SPOP: variants seen among roughly 807,000 people sequenced by gnomAD.
SPOP encodes the protein speckle-type POZ protein.
Under a neutral mutation model 45.6 loss-of-function variants are expected in SPOP, and 11 were observed. The observed-to-expected ratio is 0.24, with a 90% CI of 0.15 to 0.40. SPOP has a LOEUF of 0.40. SPOP is among the 10% of genes least tolerant of loss of function. The pLI is 1.00. For missense variants in SPOP, 152 were observed against 465.6 expected (o/e 0.33, Z 6.20); for synonymous variants, 166 against 166.3 (o/e 1.00, Z 0.01).
intron 8 of SPOP, 149 bp downstream of exon 8, chr17:49,607,101 T>C: frequency 1.2e-6 from 1 of 865,452 alleles, no homozygotes; most frequent in South Asian, 1.8e-5. Flanking sequence ...TTAATAATTG[T>C]GTTGGAATAA....
intron 1 of SPOP, among the ~76,000 whole-genome samples, chr17:49,650,165 A>G (rs944455181): frequency 6.6e-6 from 1 of 152,066 alleles, no homozygotes; most frequent in Non-Finnish European, 1.5e-5. Flanking sequence ...TGCTTGGATT[A>G]CAGGTGTGAG....
intron 1 of SPOP, among the ~76,000 whole-genome samples, chr17:49,653,017 T>C (rs1169008459): frequency 2.6e-5 from 4 of 152,164 alleles, no homozygotes; most frequent in African/African-American, 9.7e-5. Context: ...CAAGTCAATA[T>C]ATTCATAAGC....
intron 1 of SPOP, among the ~76,000 whole-genome samples, chr17:49,676,195 A>G (rs1304555109): frequency 6.6e-6 from 1 of 151,496 alleles, no homozygotes; most frequent in African/African-American, 2.5e-5. Context: ...GAAGAGCTCT[A>G]AAACGAGAAA....
At chr17:49,673,341 TA>T (rs770744998) in intron 1 of SPOP, among the ~76,000 whole-genome samples, 46 of 151,882 alleles carry the variant, frequency 3.0e-4, no homozygotes, top group Admixed American at 5.2e-4. Context: ...CCATCTCTAC[TA>T]AAAAATACAA....
chr17:49,600,442 C>T lies in SPOP; in HGVS notation c.1061G>A (p.Arg354His), dbSNP rs1438495852. The T allele has an allele frequency of 1.2e-6, 2 of 1,614,002 alleles. No individual in the cohort carries two copies. Among genetic ancestry groups the T allele is most frequent in the East Asian group, 2.2e-5 (1 of 44,884 alleles). Residue 354 changes from arginine to histidine, a missense_variant, in exon 10 of 10, where the codon CGC becomes CAC. Transcript: ENST00000504102. This position sits in a 1 kb window ranked among gnomAD's most constrained non-coding sequence, Gnocchi z 4.2. ...SHPHLVAEAYRSLASAQCPFL... is the reference protein window; with the variant it reads ...SHPHLVAEAYHSLASAQCPFL... ...AGGGCACTGTGCTGAAGCCAGAGAG[C>T]GGTATGCCTCAGCCACCAAGTGGGG...
chr17:49,652,653 T>C (rs923394907), intron 1 of SPOP, among the ~76,000 whole-genome samples: 7 of 152,158 alleles, frequency 4.6e-5, no homozygotes, highest in African/African-American at 1.7e-4. Flanking sequence ...TCACCAAAAC[T>C]ATACCCTGAC....
intron 1 of SPOP, among the ~76,000 whole-genome samples, chr17:49,653,981 T>G (rs548557903): frequency 6.6e-6 from 1 of 152,102 alleles, no homozygotes; most frequent in East Asian, 1.9e-4. Context: ...CAACTTGTAT[T>G]GCAAATCCTA....
At chr17:49,669,920 A>C (rs2073116260) in intron 1 of SPOP, among the ~76,000 whole-genome samples, 1 of 150,224 alleles carries the variant, frequency 6.7e-6, no homozygotes, top group Non-Finnish European at 1.5e-5. Flanking sequence ...GATCACACAT[A>C]CATTTTTCCT....
chr17:49,628,717 C>G (rs1156876039), intron 1 of SPOP, among the ~76,000 whole-genome samples: 1 of 152,202 alleles, frequency 6.6e-6, no homozygotes, highest in Admixed American at 6.5e-5. Flanking sequence ...CCAAAACACT[C>G]TGGTCCCAAG....
At chr17:49,663,310 G>A (rs2073013147) in intron 1 of SPOP, among the ~76,000 whole-genome samples, 1 of 152,202 alleles carries the variant, frequency 6.6e-6, no homozygotes, top group African/African-American at 2.4e-5. Context: ...ATGATCTGAG[G>A]TGCAGCAGTT....
chr17:49,640,572 T>A (rs777520112), intron 1 of SPOP, among the ~76,000 whole-genome samples: 4 of 152,172 alleles, frequency 2.6e-5, no homozygotes, highest in Non-Finnish European at 5.9e-5. Context: ...AATCCCCAAA[T>A]TATTTTGAGA....
In SPOP at chr17:49,629,917, G is replaced by A. The variant is rs574071552; in HGVS notation, c.-66-7041C>T. Among the ~76,000 whole-genome samples the A allele has an allele frequency of 2.4e-4, 37 of 152,168 alleles. 1 individual carries two copies. Among genetic ancestry groups the A allele is most frequent in the Non-Finnish European group, 2.5e-4 (17 of 68,028 alleles). ...TTGTGAAGATATTAGATTGAATCAT[G>A]AAACTGTTGTTTTATATGACAAAAA... is the stretch of plus-strand genomic sequence containing the variant. On this transcript the variant is annotated intron_variant, in intron 1 of 9. Transcript: ENST00000504102.
At chr17:49,608,396 A>G (rs1276094097) in intron 6 of SPOP, among the ~76,000 whole-genome samples, 1 of 152,170 alleles carries the variant, frequency 6.6e-6, no homozygotes, top group Non-Finnish European at 1.5e-5. Flanking sequence ...GATGAAGCGC[A>G]TGCTCACCTA....
chr17:49,671,860 G>T (rs2073140034), intron 1 of SPOP, among the ~76,000 whole-genome samples: 1 of 152,106 alleles, frequency 6.6e-6, no homozygotes, highest in Non-Finnish European at 1.5e-5. Context: ...ACAAAAATTG[G>T]CTGGGCAGGG....
chr17:49,666,396 T>A (rs2073058182), intron 1 of SPOP, among the ~76,000 whole-genome samples: 1 of 149,788 alleles, frequency 6.7e-6, no homozygotes, highest in African/African-American at 2.5e-5. Context: ...TAGAAGAAAA[T>A]ATAAGATGAA....
At chr17:49,616,602 C>G (rs923783600) in intron 5 of SPOP, among the ~76,000 whole-genome samples, 9 of 152,164 alleles carry the variant, frequency 5.9e-5, no homozygotes, top group African/African-American at 2.2e-4. Flanking sequence ...CTTAGATGAG[C>G]TGCAGACATC....
At chr17:49,634,986 T>C (rs1220635868) in intron 1 of SPOP, among the ~76,000 whole-genome samples, 1 of 152,210 alleles carries the variant, frequency 6.6e-6, no homozygotes, top group African/African-American at 2.4e-5. Flanking sequence ...TGAGATACTT[T>C]TCTTCCTGAA....
At chr17:49,604,005 C>T (rs1052980394) in intron 8 of SPOP, among the ~76,000 whole-genome samples, 5 of 152,110 alleles carry the variant, frequency 3.3e-5, no homozygotes, top group African/African-American at 9.7e-5. Flanking sequence ...CTTGGCTCTG[C>T]GGATATACAA....
chr17:49,650,027 G>T (rs542961304), intron 1 of SPOP, among the ~76,000 whole-genome samples: 9 of 151,342 alleles, frequency 5.9e-5, no homozygotes, highest in African/African-American at 1.9e-4. Context: ...CAGTAGCTGG[G>T]ATTACAGGCA....
Sources: allele counts gnomAD v4.1 joint callset (sites outside exome capture counted in the v4.1 genomes callset), GRCh38; gene constraint gnomAD v4.1.1; non-coding constraint Gnocchi (gnomAD v3.1); transcripts MANE v1.5; gene names NCBI Gene and HGNC (gene_info 2026-07-23, HGNC 2026-07-21).